Variants in MYO1E observed in about 807,000 individuals in gnomAD.
The protein encoded by MYO1E is myosin IE.
A neutral mutation model predicts 151.1 loss-of-function variants in MYO1E; 68 were observed. The ratio of observed to expected loss-of-function variants is 0.45; its 90% confidence interval spans 0.37 to 0.55. The LOEUF (loss-of-function observed/expected upper bound fraction) is 0.55, where lower values mean the gene tolerates loss of function less well. Among genes scored for constraint, MYO1E ranks in the 20% least tolerant of loss-of-function variants. MYO1E has a pLI of 0.00. For missense variants in MYO1E, 1,363 were observed against 1,389.3 expected, an observed-to-expected ratio of 0.98 and a Z score of 0.30; for synonymous variants, 601 against 501.7, an observed-to-expected ratio of 1.20 and a Z score of -2.64.
chr15:59,325,289 C>T (rs1454407214), intron 1 of MYO1E, among the ~76,000 whole-genome samples: 2 of 152,182 alleles, frequency 1.3e-5, no homozygotes, highest in Non-Finnish European at 2.9e-5. Flanking sequence ...CCTACCTTGG[C>T]CTCCCAAAGT....
At chr15:59,349,709 C>G (rs1286792820) in intron 1 of MYO1E, among the ~76,000 whole-genome samples, 2 of 152,188 alleles carry the variant, frequency 1.3e-5, no homozygotes, top group Non-Finnish European at 2.9e-5. Flanking sequence ...CCATCCCTCC[C>G]CAAACTAGGA....
chr15:59,300,258 G>T (rs1307885338), intron 1 of MYO1E, among the ~76,000 whole-genome samples: 1 of 151,894 alleles, frequency 6.6e-6, no homozygotes, highest in Non-Finnish European at 1.5e-5. Flanking sequence ...GGGGGTGCTG[G>T]GTTTTCCTGT....
chr15:59,347,796 C>A (rs1256471013), intron 1 of MYO1E, among the ~76,000 whole-genome samples: 2 of 151,984 alleles, frequency 1.3e-5, no homozygotes, highest in African/African-American at 2.4e-5. Flanking sequence ...AAATTATACC[C>A]CTCACACCAG....
At chr15:59,207,692 G>C (rs748401688) in intron 14 of MYO1E, 1 of 1,614,064 alleles carries the variant, frequency 6.2e-7, no homozygotes, top group African/African-American at 1.3e-5. Context: ...CCTGTGTGGA[G>C]TGGAGTGAAC....
Position 59,302,777 on chromosome 15 carries a change from A to G in MYO1E, c.4-30328T>C, listed in dbSNP as rs925564053. On this transcript the variant is annotated intron_variant, in intron 1 of 27. Coordinates refer to ENST00000288235, the MANE Select transcript of MYO1E (RefSeq NM_004998.4). Reference sequence around the variant, plus strand: ...AAGTAATACATTATAAACTCTGGACACTATATAAATTATACAAATATGTTA... The same window carrying G: ...AAGTAATACATTATAAACTCTGGACGCTATATAAATTATACAAATATGTTA... Among the ~76,000 whole-genome samples, 5 of 152,150 alleles carry G rather than the reference A, an allele frequency of 3.3e-5. 1 individual carries two copies. Among genetic ancestry groups the G allele is most frequent in the Admixed American group, 3.3e-4 (5 of 15,276 alleles).
At position 59,161,226 on chromosome 15, in the gene MYO1E, C is replaced by G; in HGVS notation, c.2632G>C (p.Glu878Gln). The G allele has an allele frequency of 6.2e-7, 1 of 1,613,736 alleles. No homozygotes were observed. The change falls in exon 24 of 28, where the codon GAA (glutamate) becomes CAA (glutamine). Residue 878 changes from glutamate to glutamine, a missense_variant. Physicochemically the swap from Glu to Gln is conservative, Grantham distance 29. Transcript: ENST00000288235. ...CAGTTTTCCTTTTTCAACTTCAGTT[C>G]AAGCCTGCAAAAAGCACAGTGGGGT... ...QLPLKFSNTL[E>Q]LKLKKENWGP...
At chr15:59,231,935 G>A (rs2080030980) in intron 5 of MYO1E, 144 bp from the exon 6 acceptor site, 3 of 727,858 alleles carry the variant, frequency 4.1e-6, no homozygotes, top group Non-Finnish European at 7.3e-6. Context: ...GTTTCTGGAG[G>A]ATTTATTCTT....
At chr15:59,145,611 C>T (rs2079436688) in intron 26 of MYO1E, among the ~76,000 whole-genome samples, 1 of 151,178 alleles carries the variant, frequency 6.6e-6, no homozygotes, top group Admixed American at 6.6e-5. Context: ...AGGCTGGTCT[C>T]GAACTCCTGG....
At chr15:59,267,697 C>G (rs1463228152) in intron 2 of MYO1E, among the ~76,000 whole-genome samples, 1 of 152,256 alleles carries the variant, frequency 6.6e-6, no homozygotes, top group African/African-American at 2.4e-5. Flanking sequence ...CGAATGAGCA[C>G]AGAGTGCTTT....
intron 1 of MYO1E, among the ~76,000 whole-genome samples, chr15:59,343,636 C>A (rs2080777794): frequency 6.6e-6 from 1 of 152,064 alleles, no homozygotes; most frequent in African/African-American, 2.4e-5. Context: ...GCCAATAATT[C>A]TTGGATTTGC....
rs143171283 is a variant in MYO1E at position 59,179,206 on chromosome 15, G to A, written c.1905-669C>T. Among the ~76,000 whole-genome samples the A allele has an allele frequency of 2.1e-3, 319 of 152,194 alleles. 1 individual carries two copies. Among genetic ancestry groups the A allele is most frequent in the South Asian group, 5.8e-3 (28 of 4,828 alleles). On this transcript the variant is annotated intron_variant, in intron 18 of 27. Transcript: ENST00000288235. ...CAAACTCATCACTCGGCTGGCTCCC[G>A]CTTGGGTGTCTCACCTTCAGTGACA... is the stretch of plus-strand genomic sequence containing the variant.
chr15:59,333,766 T>C (rs2080712175), intron 1 of MYO1E, among the ~76,000 whole-genome samples: 1 of 152,218 alleles, frequency 6.6e-6, no homozygotes, highest in African/African-American at 2.4e-5. Flanking sequence ...ATGTTTATAG[T>C]TGAAAGCTAA....
chr15:59,331,916 T>C (rs2080700435), intron 1 of MYO1E, among the ~76,000 whole-genome samples: 1 of 152,188 alleles, frequency 6.6e-6, no homozygotes, highest in Non-Finnish European at 1.5e-5. Flanking sequence ...GCAAGGGTGA[T>C]ATTCAAAAGA....
intron 22 of MYO1E, among the ~76,000 whole-genome samples, chr15:59,166,142 A>C (rs892086169): frequency 6.6e-6 from 1 of 152,230 alleles, no homozygotes; most frequent in Non-Finnish European, 1.5e-5. Flanking sequence ...ACTTTAACCA[A>C]CAACTCCAAA....
chr15:59,318,168 T>C (rs1233838970), intron 1 of MYO1E, among the ~76,000 whole-genome samples: 1 of 152,158 alleles, frequency 6.6e-6, no homozygotes, highest in Non-Finnish European at 1.5e-5. Context: ...GGAAGATAAA[T>C]GGCATTTAAT....
chr15:59,225,647 TTTC>T (rs1315537380), intron 7 of MYO1E, among the ~76,000 whole-genome samples: 20 of 39,604 alleles, frequency 5.0e-4, no homozygotes, highest in Admixed American at 3.6e-3. Context: ...TTTCTTTTCT[TTTC>T]TTTTTTTTTT....
chr15:59,214,728 A>G lies in MYO1E; in HGVS notation c.1108-8T>C. The G allele has an allele frequency of 1.9e-6, 3 of 1,607,818 alleles. No homozygotes were observed. Among genetic ancestry groups the G allele is most frequent in the Non-Finnish European group, 2.6e-6 (3 of 1,174,274 alleles). ...CATGGCTTTATTGATGGACTAGAGA[A>G]AGTAAACAGCATGGCAGTGAACTCC... On this transcript the variant is annotated splice_region_variant and splice_polypyrimidine_tract_variant and intron_variant, in intron 10 of 27. Transcript: ENST00000288235.
At chr15:59,371,916 C>G (rs1367938212) in intron 1 of MYO1E, among the ~76,000 whole-genome samples, 1 of 151,002 alleles carries the variant, frequency 6.6e-6, no homozygotes, top group Non-Finnish European at 1.5e-5. Context: ...CCCCCGCCTG[C>G]CTTTGTGCGG....
At chr15:59,138,493 C>T (rs1468043595) in intron 26 of MYO1E, 126 bp from the exon 27 acceptor site, 1 of 1,035,206 alleles carries the variant, frequency 9.7e-7, no homozygotes, top group Non-Finnish European at 1.4e-6. Flanking sequence ...CCTTAGAAGA[C>T]ATGTGGCCCA....
Sources: gnomAD v4.1 joint callset for allele counts (sites outside exome capture counted in the v4.1 genomes callset) on GRCh38, gnomAD v4.1.1 for gene constraint, MANE v1.5 for transcripts, NCBI Gene and HGNC (gene_info 2026-07-23, HGNC 2026-07-21) for gene names.